The following GGH variants were observed in gnomAD, a reference collection of about 807,000 sequenced individuals.
The protein encoded by GGH is gamma-glutamyl hydrolase, also known as gamma-Glu-X carboxypeptidase.
GGH carries 18 observed loss-of-function variants against 39.2 expected under a neutral mutation model. The observed-to-expected ratio is 0.46, with a 90% CI of 0.32 to 0.68. The LOEUF is 0.68. Among genes scored for constraint, GGH ranks in the 30% least tolerant of loss-of-function variants. GGH has a pLI of 0.04. For missense variants in GGH, 367 were observed against 384.1 expected (o/e 0.96, Z 0.37); for synonymous variants, 147 against 138.8 (o/e 1.06, Z -0.42).
chr8:63,019,162 T>A (rs1804541562), intron 7 of GGH, among the ~76,000 whole-genome samples: 1 of 152,218 alleles, frequency 6.6e-6, no homozygotes, highest in Non-Finnish European at 1.5e-5. Flanking sequence ...GGATAACTTG[T>A]TTCAAGAAGG....
Position 63,026,255 on chromosome 8 carries a change from G to T in GGH, c.402C>A (p.Cys134Ter). 6.2e-7 allele frequency: 1 copy of T among 1,609,334 alleles called. No homozygotes were observed. The change falls in exon 5 of 9, where the codon TGC (cysteine) becomes TGA (stop). Residue 134 changes from cysteine (C) to a stop codon, truncating the protein, a stop_gained. Transcript: ENST00000260118. LOFTEE classifies it high-confidence loss of function. Reference protein sequence around the residue: ...DGDYFPVWGTCLGFEELSLLI... With the variant: ...DGDYFPVWGT Reference sequence around the variant, plus strand: ...GCAGTGAAAGCTCTTCAAATCCAAGGCATGTGCCCCACACAGGAAAATAGT... The same window carrying T: ...GCAGTGAAAGCTCTTCAAATCCAAGTCATGTGCCCCACACAGGAAAATAGT...
chr8:63,033,054 C>A (rs1804834380), intron 2 of GGH, among the ~76,000 whole-genome samples: 3 of 152,112 alleles, frequency 2.0e-5, no homozygotes, highest in Admixed American at 1.3e-4. Context: ...GGTCTACCTG[C>A]CTTTAGGCAT....
chr8:63,015,734 T>C (rs1006358282), intron 8 of GGH, among the ~76,000 whole-genome samples: 1 of 152,064 alleles, frequency 6.6e-6, no homozygotes, highest in African/African-American at 2.4e-5. Flanking sequence ...GCCCGATTTA[T>C]GGCACAGTCG....
At chr8:63,034,473 AAATAGTGTTT>A (rs1201757165) in intron 2 of GGH, among the ~76,000 whole-genome samples, 34 of 152,206 alleles carry the variant, frequency 2.2e-4, no homozygotes, top group African/African-American at 8.0e-4. Context: ...TGTACAGAAT[AAATAGTGTTT>A]TATGTGTGAA....
At chr8:63,036,418 G>A (rs1341965479) in intron 1 of GGH, among the ~76,000 whole-genome samples, 1 of 152,228 alleles carries the variant, frequency 6.6e-6, no homozygotes, top group Non-Finnish European at 1.5e-5. Context: ...ATGACTATGA[G>A]TGAACCAAAC....
rs1416281197 is a variant in GGH at position 63,038,788 on chromosome 8, C to A, written c.-20G>T. 6.9e-7 allele frequency: 1 copy of A among 1,457,088 alleles called. No individual in the cohort carries two copies. Among genetic ancestry groups the A allele is most frequent in the South Asian group, 1.3e-5 (1 of 78,314 alleles). The allele number at this position is 1,457,088 out of a possible 1,614,324, so 90.3% of individuals were successfully genotyped here. ...GGCCATGGCGCTCGCCGCCTCCCGC[C>A]GCCTTTCAAAAGCTCTGCGGGCGGG... is the stretch of plus-strand genomic sequence containing the variant. On this transcript the variant is annotated 5_prime_UTR_variant, in exon 1 of 9. Transcript: ENST00000260118.
Position 63,015,218 on chromosome 8 carries a change from G to T in GGH, c.*114C>A. The T allele has an allele frequency of 3.5e-6, 2 of 568,246 alleles. 1 individual carries two copies. The highest frequency in any genetic ancestry group is 5.0e-5 in the South Asian group (2 of 40,010). The allele number at this position is 568,246 out of a possible 1,614,324, so 35.2% of individuals were successfully genotyped here. On this transcript the variant is annotated 3_prime_UTR_variant, in exon 9 of 9. Coordinates refer to ENST00000260118, the MANE Select transcript of GGH (RefSeq NM_003878.3). ...CATACAGAATGAAGAATCAGAGCCA[G>T]GCACATTATAGAAAAGAATCTGTGA...
intron 8 of GGH, among the ~76,000 whole-genome samples, chr8:63,016,319 CT>C (rs1274965342): frequency 2.8e-4 from 42 of 147,752 alleles, no homozygotes; most frequent in Middle Eastern, 3.4e-3. Context: ...ATATGGGATA[CT>C]TTTTTTTTTT....
intron 2 of GGH, among the ~76,000 whole-genome samples, chr8:63,033,834 C>A (rs1262657953): frequency 1.3e-5 from 2 of 151,738 alleles, no homozygotes; most frequent in Non-Finnish European, 2.9e-5. Context: ...CATGTGTACC[C>A]AATGTTTAGC....
At chr8:63,035,537 C>A in intron 2 of GGH, 119 bp downstream of exon 2, 1 of 1,408,360 alleles carries the variant, frequency 7.1e-7, no homozygotes. Flanking sequence ...AACTCCTGAC[C>A]TCAGTAGTCC....
intron 7 of GGH, among the ~76,000 whole-genome samples, chr8:63,020,730 C>G (rs530921206): frequency 4.6e-5 from 7 of 152,172 alleles, no homozygotes; most frequent in Admixed American, 3.9e-4. Flanking sequence ...GCAAACAGGT[C>G]GTGCAGGGTA....
intron 2 of GGH, among the ~76,000 whole-genome samples, chr8:63,032,226 G>A (rs1366797302): frequency 6.6e-6 from 1 of 151,842 alleles, no homozygotes; most frequent in African/African-American, 2.4e-5. Flanking sequence ...TTATAGATAG[G>A]GGTTTTTCCA....
intron 3 of GGH, among the ~76,000 whole-genome samples, chr8:63,029,447 C>T (rs746917783): frequency 1.3e-5 from 2 of 152,098 alleles, no homozygotes; most frequent in Non-Finnish European, 1.5e-5. Context: ...TGATGGATTA[C>T]GGGGTGACTG....
chr8:63,021,655 T>C (rs953317413), intron 7 of GGH, among the ~76,000 whole-genome samples: 5 of 150,370 alleles, frequency 3.3e-5, no homozygotes, highest in African/African-American at 1.2e-4. Flanking sequence ...TGGTATCCAT[T>C]CAAATCTCAT....
intron 7 of GGH, among the ~76,000 whole-genome samples, chr8:63,022,343 T>C (rs925197182): frequency 1.3e-5 from 2 of 152,286 alleles, no homozygotes; most frequent in East Asian, 1.9e-4. Context: ...CCATTCCTTC[T>C]AGAGTTCTGG....
chr8:63,038,748 C>T lies in GGH; in HGVS notation c.21G>A (p.Leu7=). Residue 7 remains leucine (L), a synonymous_variant, in exon 1 of 9, where the codon CTG becomes CTA. Coordinates refer to ENST00000260118, the MANE Select transcript of GGH (RefSeq NM_003878.3). ...AGAGTAGCAGGCCCAGCACGCACAGCAGGCAGCCCGGACTGGCCATGGCGC... is the reference window on the plus strand; with the variant it reads ...AGAGTAGCAGGCCCAGCACGCACAGTAGGCAGCCCGGACTGGCCATGGCGC... MASPGC[L]LCVLGLLLCG... The T allele has an allele frequency of 1.3e-6, 2 of 1,575,956 alleles. No individual in the cohort carries two copies. The highest frequency in any genetic ancestry group is 1.8e-5 in the Admixed American group (1 of 56,802).
chr8:63,023,984 T>G lies in GGH; in HGVS notation c.620A>C (p.Asn207Thr). Residue 207 changes from asparagine to threonine, a missense_variant, in exon 7 of 9, where the codon AAT (asparagine) becomes ACT (threonine). Physicochemically the swap from Asn to Thr is moderately conservative, Grantham distance 65. Coordinates refer to ENST00000260118, the MANE Select transcript of GGH (RefSeq NM_003878.3). ...WSLSVKNFTM[N>T]EKLKKFFNVL... ...ATTGAAAAACTTCTTTAACTTTTCA[T>G]TCATTGTAAAATTCTAGAATACGAA... is the stretch of plus-strand genomic sequence containing the variant. The G allele has an allele frequency of 6.3e-7, 1 of 1,585,266 alleles. No homozygotes were observed. Among genetic ancestry groups the G allele is most frequent in the Non-Finnish European group, 8.6e-7 (1 of 1,160,872 alleles).
intron 7 of GGH, among the ~76,000 whole-genome samples, chr8:63,022,093 T>C (rs1474971281): frequency 2.0e-5 from 3 of 151,296 alleles, no homozygotes; most frequent in Admixed American, 6.6e-5. Context: ...TTTTCTTCTC[T>C]GTGTAATTTT....
intron 7 of GGH, among the ~76,000 whole-genome samples, chr8:63,020,066 A>T (rs967203432): frequency 6.6e-6 from 1 of 152,180 alleles, no homozygotes. Context: ...TTATATTTTA[A>T]TTCCATTTTT....
Sources: gnomAD v4.1 joint callset for allele counts (sites outside exome capture counted in the v4.1 genomes callset) on GRCh38, gnomAD v4.1.1 for gene constraint, MANE v1.5 for transcripts, NCBI Gene and HGNC (gene_info 2026-07-23, HGNC 2026-07-21) for gene names.